The following ZCCHC4 variants were observed in gnomAD, a reference collection of about 807,000 sequenced individuals.
ZCCHC4 encodes rRNA N(6)-adenosine-methyltransferase ZCCHC4.
In ZCCHC4, 54 loss-of-function variants were observed where a neutral mutation model predicts 67.7. The ratio of observed to expected loss-of-function variants is 0.80; its 90% CI spans 0.64 to 1.00. ZCCHC4 has a LOEUF of 1.00. ZCCHC4 is among the 50% of genes least tolerant of loss of function. The pLI is 0.00. For synonymous variants in ZCCHC4, 198 were observed against 213.5 expected (o/e 0.93, Z 0.63); for missense variants, 609 against 617.0 (o/e 0.99, Z 0.14).
intron 3 of ZCCHC4, among the ~76,000 whole-genome samples, chr4:25,324,467 CAT>C (rs1310438936): frequency 3.3e-5 from 5 of 152,136 alleles, no homozygotes; most frequent in African/African-American, 1.2e-4. Flanking sequence ...TGTTTGTAGT[CAT>C]ATAAGTTTCC....
At chr4:25,355,511 TTCCACCTGAG>T (rs1257477424) in intron 8 of ZCCHC4, among the ~76,000 whole-genome samples, 2 of 152,182 alleles carry the variant, frequency 1.3e-5, no homozygotes, top group Admixed American at 1.3e-4. Context: ...CTCACCTCCT[TTCCACCTGAG>T]ATGTTCTGCT....
intron 5 of ZCCHC4, among the ~76,000 whole-genome samples, chr4:25,345,200 C>A (rs1357136694): frequency 2.0e-5 from 3 of 152,142 alleles, no homozygotes; most frequent in Admixed American, 2.0e-4. Flanking sequence ...AAATTATTAA[C>A]CATGAGGGAT....
chr4:25,333,930 A>C lies in ZCCHC4; in HGVS notation c.628A>C (p.Thr210Pro). 6.2e-7 allele frequency: 1 copy of C among 1,603,374 alleles called. No homozygotes were observed. Among genetic ancestry groups the C allele is most frequent in the Non-Finnish European group, 8.5e-7 (1 of 1,177,670 alleles). Residue 210 changes from threonine to proline, a missense_variant, in exon 5 of 13, where the codon ACA becomes CCA. Thr to Pro is a conservative substitution (Grantham distance 38). Transcript: ENST00000302874. ...TPRLHELIKL[T>P]ASGDKKSNIK... ...TAGGTTGCATGAGCTGATCAAGTTG[A>C]CAGCATCAGGTGACAAGAAGTCTAA...
At chr4:25,334,301 A>C (rs1387835541) in intron 5 of ZCCHC4, among the ~76,000 whole-genome samples, 1 of 152,218 alleles carries the variant, frequency 6.6e-6, no homozygotes, top group Non-Finnish European at 1.5e-5. Context: ...ATGTTCAAAG[A>C]TAATTCTAAA....
chr4:25,366,255 G>T, intron 12 of ZCCHC4: 1 of 890,222 alleles, frequency 1.1e-6, no homozygotes, highest in South Asian at 5.2e-5. Context: ...TATTTCCACT[G>T]AGTAATCCAG....
intron 8 of ZCCHC4, among the ~76,000 whole-genome samples, chr4:25,354,493 C>G (rs922862095): frequency 1.3e-5 from 2 of 152,120 alleles, no homozygotes; most frequent in Non-Finnish European, 2.9e-5. Context: ...CAGTACTGTC[C>G]ATTACATGCT....
intron 6 of ZCCHC4, among the ~76,000 whole-genome samples, chr4:25,348,089 C>CT (rs1464901443): frequency 6.6e-6 from 1 of 152,092 alleles, no homozygotes; most frequent in African/African-American, 2.4e-5. Context: ...ACTTTTAACT[C>CT]TAAGGAGTTT....
intron 3 of ZCCHC4, among the ~76,000 whole-genome samples, chr4:25,318,508 C>G (rs1196004711): frequency 2.0e-5 from 3 of 151,872 alleles, no homozygotes; most frequent in Non-Finnish European, 4.4e-5. Context: ...GCACCTGCCA[C>G]CATGCCCAGC....
intron 12 of ZCCHC4, among the ~76,000 whole-genome samples, chr4:25,368,614 TC>T (rs1262923930): frequency 2.0e-5 from 3 of 152,220 alleles, no homozygotes; most frequent in Non-Finnish European, 2.9e-5. Flanking sequence ...GTTTCATTTT[TC>T]TGTCTCTGCT....
At chr4:25,328,177 A>G (rs1463027084) in intron 3 of ZCCHC4, among the ~76,000 whole-genome samples, 1 of 151,952 alleles carries the variant, frequency 6.6e-6, no homozygotes, top group Non-Finnish European at 1.5e-5. Flanking sequence ...CATCTTGCTT[A>G]TATTGTTTTC....
intron 9 of ZCCHC4, 77 bp downstream of exon 9, chr4:25,362,057 C>A: frequency 6.5e-7 from 1 of 1,528,990 alleles, no homozygotes; most frequent in Non-Finnish European, 8.9e-7. Context: ...CAAATGCTTT[C>A]AGTATTGAAT....
intron 3 of ZCCHC4, among the ~76,000 whole-genome samples, chr4:25,318,621 C>T (rs1466656595): frequency 2.6e-5 from 4 of 151,822 alleles, no homozygotes; most frequent in East Asian, 1.9e-4. Context: ...TCCCAAAGTG[C>T]TGGGATTACA....
intron 5 of ZCCHC4, among the ~76,000 whole-genome samples, chr4:25,337,913 A>C (rs959551971): frequency 6.6e-6 from 1 of 151,970 alleles, no homozygotes; most frequent in African/African-American, 2.4e-5. Context: ...GCGTCTTCTC[A>C]AAGAACTTGT....
chr4:25,362,858 T>C (rs1318973760), intron 10 of ZCCHC4, among the ~76,000 whole-genome samples: 1 of 152,172 alleles, frequency 6.6e-6, no homozygotes, highest in Non-Finnish European at 1.5e-5. Flanking sequence ...ATAGACTTGG[T>C]TCTTTAAAGC....
intron 3 of ZCCHC4, 86 bp downstream of exon 3, chr4:25,315,486 C>T: frequency 9.8e-7 from 1 of 1,019,162 alleles, no homozygotes; most frequent in Non-Finnish European, 1.4e-6. Flanking sequence ...AGTTTACTTT[C>T]ATTTATTTAT....
At chr4:25,330,033 T>C (rs1719099200) in intron 3 of ZCCHC4, among the ~76,000 whole-genome samples, 2 of 151,824 alleles carry the variant, frequency 1.3e-5, no homozygotes, top group Admixed American at 1.3e-4. Context: ...ACTCTGTCAC[T>C]GAGGCTGGAG....
At chr4:25,325,497 C>A (rs960508068) in intron 3 of ZCCHC4, among the ~76,000 whole-genome samples, 1 of 152,010 alleles carries the variant, frequency 6.6e-6, no homozygotes, top group African/African-American at 2.4e-5. Flanking sequence ...CTCCTGACTT[C>A]AAGGGCTCTG....
chr4:25,367,322 A>G (rs1353297045), intron 12 of ZCCHC4, among the ~76,000 whole-genome samples: 1 of 152,212 alleles, frequency 6.6e-6, no homozygotes, highest in East Asian at 1.9e-4. Context: ...TAGTCAGTTC[A>G]TCATCATTCA....
chr4:25,319,158 T>C (rs1251421774), intron 3 of ZCCHC4, among the ~76,000 whole-genome samples: 1 of 151,722 alleles, frequency 6.6e-6, no homozygotes, highest in Non-Finnish European at 1.5e-5. Context: ...CCTAGGCGGG[T>C]GGATCACGAG....
Sources: gnomAD v4.1 joint callset for allele counts (sites outside exome capture counted in the v4.1 genomes callset) on GRCh38, gnomAD v4.1.1 for gene constraint, MANE v1.5 for transcripts, NCBI Gene and HGNC (gene_info 2026-07-23, HGNC 2026-07-21) for gene names.